ARHGAP6: variants seen among roughly 807,000 people sequenced by gnomAD.
The protein encoded by ARHGAP6 is Rho GTPase activating protein 6, also known as rho GTPase-activating protein 6.
ARHGAP6 carries 16 observed loss-of-function variants against 55.7 expected under a neutral mutation model. The ratio of observed to expected loss-of-function variants is 0.29; its 90% CI spans 0.19 to 0.44. The LOEUF is 0.44. Ranked by LOEUF, ARHGAP6 falls within the 20% of genes least tolerant of loss-of-function variation. The pLI is 1.00. For missense variants in ARHGAP6, 698 were observed against 808.9 expected (o/e 0.86, Z 1.66); for synonymous variants, 382 against 360.9 (o/e 1.06, Z -0.66).
chrX:11,329,503 A>T (rs1437752308), intron 1 of ARHGAP6, among the ~76,000 whole-genome samples: 1 of 112,273 alleles, frequency 8.9e-6, no homozygotes, highest in Non-Finnish European at 1.9e-5. Flanking sequence ...AATGCAAGAC[A>T]CTACCTTTAT....
At chrX:11,366,518 T>A (rs1389526803) in intron 1 of ARHGAP6, among the ~76,000 whole-genome samples, 1 of 111,535 alleles carries the variant, frequency 9.0e-6, no homozygotes, top group African/African-American at 3.3e-5. Flanking sequence ...TCAGATGTCA[T>A]GAAGGAGCAG....
At chrX:11,657,192 T>C (rs186753010) in intron 1 of ARHGAP6, among the ~76,000 whole-genome samples, 65 of 110,779 alleles carry the variant, frequency 5.9e-4, no homozygotes, top group Admixed American at 1.2e-3. Flanking sequence ...AGGTTTTCAA[T>C]CAGGGGTTAA....
At position 11,624,382 on chromosome X, in the gene ARHGAP6, C is replaced by T. The variant is rs750399603; in HGVS notation, c.588+39859G>A. On this transcript the variant is annotated intron_variant, in intron 1 of 12. Transcript: ENST00000337414. ...AAGCAAAAATTGACAAATCAGATAACATCAAGCTAAAAAGCTTCTGCAGTG... is the reference window on the plus strand; with the variant it reads ...AAGCAAAAATTGACAAATCAGATAATATCAAGCTAAAAAGCTTCTGCAGTG... Among the ~76,000 whole-genome samples, 7 of 112,013 alleles carry T rather than the reference C, an allele frequency of 6.2e-5. No homozygotes were observed. In the South Asian group the frequency reaches 1.5e-3, roughly 24 times the overall value.
chrX:11,310,644 C>G (rs1164242840), intron 1 of ARHGAP6, among the ~76,000 whole-genome samples: 1 of 111,929 alleles, frequency 8.9e-6, no homozygotes, highest in Admixed American at 9.4e-5. Flanking sequence ...TCCCCAATTA[C>G]ACCAGGCTCT....
rs897220123 is a variant in ARHGAP6 at position 11,254,809 on chromosome X, C to T, written c.589-102G>A. ...CTTAGTAATAAAGTCAAGCAAACCA[C>T]CTTTGTGTTCCAAAATTGGGTCTCA... is the stretch of plus-strand genomic sequence containing the variant. On this transcript the variant is annotated intron_variant, in intron 1 of 12. Transcript: ENST00000337414. 4 of 962,828 alleles carry T rather than the reference C, an allele frequency of 4.2e-6. No individual in the cohort carries two copies. The African/African-American group carries it at 5.9e-5, about 14-fold the overall frequency. The allele number at this position is 962,828 out of a possible 1,213,427, so 79.3% of individuals were successfully genotyped here. A position where few individuals can be genotyped will look rare whatever the true frequency, so the allele number is the denominator to read the frequency against.
chrX:11,374,119 G>T (rs1402061008), intron 1 of ARHGAP6, among the ~76,000 whole-genome samples: 1 of 111,572 alleles, frequency 9.0e-6, no homozygotes, highest in Non-Finnish European at 1.9e-5. Context: ...AGTTTGAAGG[G>T]GCTCTTCCTC....
chrX:11,411,293 T>C (rs1198586680), intron 1 of ARHGAP6, among the ~76,000 whole-genome samples: 2 of 98,996 alleles, frequency 2.0e-5, no homozygotes, highest in African/African-American at 7.2e-5. Flanking sequence ...TATATGCATA[T>C]ATAATAAACA....
intron 1 of ARHGAP6, among the ~76,000 whole-genome samples, chrX:11,620,274 T>A (rs2052212641): frequency 8.9e-6 from 1 of 112,230 alleles, no homozygotes; most frequent in Non-Finnish European, 1.9e-5. Flanking sequence ...GAAGTGCAAT[T>A]AAAAAAACAA....
At chrX:11,334,319 T>C (rs1305285527) in intron 1 of ARHGAP6, 7 of 118,896 alleles carry the variant, frequency 5.9e-5, no homozygotes, top group Non-Finnish European at 3.6e-5. Context: ...TCCTTTGTCA[T>C]ACAGATGGAA....
chrX:11,288,864 A>T (rs1012117114), intron 1 of ARHGAP6, among the ~76,000 whole-genome samples: 3 of 112,394 alleles, frequency 2.7e-5, no homozygotes, highest in African/African-American at 9.7e-5. Context: ...ACAATATTTT[A>T]AAAAACTACT....
At chrX:11,506,660 T>C (rs2050736092) in intron 1 of ARHGAP6, among the ~76,000 whole-genome samples, 2 of 112,124 alleles carry the variant, frequency 1.8e-5, no homozygotes, top group South Asian at 7.5e-4. Context: ...TTGGGTTGGT[T>C]CCAAGTCTTT....
intron 8 of ARHGAP6, among the ~76,000 whole-genome samples, chrX:11,173,897 C>T (rs780992084): frequency 6.3e-5 from 7 of 111,565 alleles, no homozygotes; most frequent in Non-Finnish European, 9.4e-5. Context: ...GCTGGCAGAA[C>T]CTGTGTGAGC....
chrX:11,304,381 T>C (rs1339525227), intron 1 of ARHGAP6, among the ~76,000 whole-genome samples: 1 of 111,483 alleles, frequency 9.0e-6, no homozygotes, highest in Non-Finnish European at 1.9e-5. Context: ...TGAGCCACCA[T>C]GCCCGGCCCA....
chrX:11,602,763 G>A (rs2051992121), intron 1 of ARHGAP6, among the ~76,000 whole-genome samples: 2 of 112,309 alleles, frequency 1.8e-5, no homozygotes, highest in South Asian at 3.7e-4. Context: ...CCAGACCCAC[G>A]CTGGAGCTCT....
At chrX:11,282,037 G>A (rs1408151943) in intron 1 of ARHGAP6, among the ~76,000 whole-genome samples, 1 of 111,930 alleles carries the variant, frequency 8.9e-6, no homozygotes, top group East Asian at 2.8e-4. Flanking sequence ...CTTCAAATTA[G>A]CACTTCTTTG....
chrX:11,140,210 A>T (rs1205441050), intron 12 of ARHGAP6, among the ~76,000 whole-genome samples: 1 of 108,902 alleles, frequency 9.2e-6, no homozygotes, highest in Non-Finnish European at 1.9e-5. Context: ...AATAAAAAAA[A>T]AAATTAAACC....
chrX:11,401,239 C>T (rs889817598), intron 1 of ARHGAP6, among the ~76,000 whole-genome samples: 3 of 111,496 alleles, frequency 2.7e-5, no homozygotes, highest in Non-Finnish European at 5.6e-5. Context: ...TTCCCTCCGA[C>T]GATGCTATTA....
intron 2 of ARHGAP6, among the ~76,000 whole-genome samples, chrX:11,203,124 A>C (rs2046655998): frequency 8.9e-6 from 1 of 111,828 alleles, no homozygotes; most frequent in African/African-American, 3.3e-5. Context: ...TACTCAATAA[A>C]TAGAATGCAA....
chrX:11,172,706 CTTTTGTTTTATTGTTTTTTAA>C (rs1254488902), intron 8 of ARHGAP6, among the ~76,000 whole-genome samples: 5 of 111,047 alleles, frequency 4.5e-5, no homozygotes, highest in African/African-American at 1.6e-4. Context: ...TTTGGGGTTT[CTTTTGTTTTATTGTTTTTTAA>C]CAGGGAAAGA....
Sources: gnomAD v4.1 joint callset for allele counts (sites outside exome capture counted in the v4.1 genomes callset) on GRCh38, gnomAD v4.1.1 for gene constraint, MANE v1.5 for transcripts, NCBI Gene and HGNC (gene_info 2026-07-23, HGNC 2026-07-21) for gene names.